ANGPTL4: variants seen among roughly 807,000 people sequenced by gnomAD.
ANGPTL4 encodes the protein angiopoietin-related protein 4.
In ANGPTL4, 39 loss-of-function variants were observed where a neutral mutation model predicts 39.2. The observed-to-expected ratio is 1.00, with a 90% CI of 0.77 to 1.30. ANGPTL4 has a LOEUF of 1.30. Among genes scored for constraint, ANGPTL4 ranks in the 50% most tolerant of loss-of-function variants. The probability of loss-of-function intolerance (pLI) is 0.00; values close to 1 mark genes in which losing one functional copy is unlikely to be tolerated. For synonymous variants in ANGPTL4, 233 were observed against 229.5 expected (o/e 1.02, Z -0.14); for missense variants, 545 against 549.8 (o/e 0.99, Z 0.09).
intron 6 of ANGPTL4, among the ~76,000 whole-genome samples, chr19:8,372,819 T>C (rs1971150513): frequency 6.6e-6 from 1 of 151,542 alleles, no homozygotes; most frequent in African/African-American, 2.4e-5. Flanking sequence ...AATGCAGGCA[T>C]GGTGGCTCAC....
intron 3 of ANGPTL4, among the ~76,000 whole-genome samples, chr19:8,368,733 C>T (rs1458946070): frequency 1.3e-5 from 2 of 152,214 alleles, no homozygotes; most frequent in African/African-American, 4.8e-5. Context: ...TGGCACATGC[C>T]TGTAGTCCCA....
chr19:8,364,683 C>T (rs1310187854), intron 1 of ANGPTL4, 44 bp downstream of exon 1: 4 of 1,554,950 alleles, frequency 2.6e-6, no homozygotes, highest in Admixed American at 1.9e-5. Context: ...TAGTGGCTCT[C>T]CTGGCTTGGA....
chr19:8,370,918 C>T, intron 4 of ANGPTL4, 138 bp from the exon 5 acceptor site: 1 of 938,854 alleles, frequency 1.1e-6, no homozygotes, highest in Non-Finnish European at 1.7e-6. Flanking sequence ...GACCCACCCT[C>T]CTCGAGTCCT....
At chr19:8,369,502 G>A (rs1485559939) in intron 4 of ANGPTL4, among the ~76,000 whole-genome samples, 170 bp downstream of exon 4, 1 of 145,044 alleles carries the variant, frequency 6.9e-6, no homozygotes, top group Non-Finnish European at 1.5e-5. Flanking sequence ...TCTTGGAGCT[G>A]GAGTGCAATG....
rs545392860 is a variant in ANGPTL4, at chr19:8,374,150, C to G, written c.*264C>G. 8.8e-5 allele frequency: 42 copies of G among 475,518 alleles called. No individual in the cohort carries two copies. The East Asian group carries it at 1.7e-3, about 19-fold the overall frequency. The allele number at this position is 475,518 out of a possible 1,614,324, so 29.5% of individuals were successfully genotyped here. On this transcript the variant is annotated 3_prime_UTR_variant, in exon 7 of 7. Transcript: ENST00000301455. ...GGCATGGAGCTTCACTCCTTGCTGGCCAGGGAGTTGGGGACTCAGAGGGAC... is the reference window on the plus strand; with the variant it reads ...GGCATGGAGCTTCACTCCTTGCTGGGCAGGGAGTTGGGGACTCAGAGGGAC...
chr19:8,369,223 G>T lies in ANGPTL4; in HGVS notation c.552G>T (p.Leu184=), dbSNP rs761691527. 9.3e-6 allele frequency: 15 copies of T among 1,610,154 alleles called. No individual in the cohort carries two copies. The highest frequency in any genetic ancestry group is 1.7e-5 in the Admixed American group (1 of 59,760). Residue 184 remains leucine (L), a synonymous_variant, in exon 4 of 7, where the codon CTG becomes CTT. Transcript: ENST00000301455. ...PAHNVSRLHR[L]PRDCQELFQV... ...CTCCACTTTATCTCCCTTCAGGGCT[G>T]CCCAGGGATTGCCAGGAGCTGTTCC...
At chr19:8,373,481 G>A (rs553023848) in intron 6 of ANGPTL4, among the ~76,000 whole-genome samples, 1 of 151,864 alleles carries the variant, frequency 6.6e-6, no homozygotes, top group East Asian at 1.9e-4. Flanking sequence ...TGAGGGAGGA[G>A]AATCACTTAA....
At chr19:8,369,600 C>G (rs560477827) in intron 4 of ANGPTL4, among the ~76,000 whole-genome samples, 1 of 151,900 alleles carries the variant, frequency 6.6e-6, no homozygotes, top group South Asian at 2.1e-4. Context: ...ACTACAGGTG[C>G]GAGCAACCAC....
intron 1 of ANGPTL4, among the ~76,000 whole-genome samples, chr19:8,365,240 G>GGGC (rs1446561083): frequency 1.3e-5 from 2 of 152,034 alleles, no homozygotes; most frequent in East Asian, 3.9e-4. Context: ...CACTTTGGGA[G>GGGC]GGCGAGGCCA....
Position 8,369,251 on chromosome 19 carries a change from G to C in ANGPTL4, c.580G>C (p.Val194Leu), listed in dbSNP as rs372986082. ...CAGGGATTGCCAGGAGCTGTTCCAGGTTGGGGAGAGGCAGAGTGGACTATT... is the reference window on the plus strand; with the variant it reads ...CAGGGATTGCCAGGAGCTGTTCCAGCTTGGGGAGAGGCAGAGTGGACTATT... Reference protein sequence around the residue: ...LPRDCQELFQVGERQSGLFEI... With the variant: ...LPRDCQELFQLGERQSGLFEI... The change falls in exon 4 of 7, where the codon GTT becomes CTT. Residue 194 changes from valine to leucine, a missense_variant. By Grantham distance (32) the Val-to-Leu change is conservative. Coordinates refer to ENST00000301455, the MANE Select transcript of ANGPTL4 (RefSeq NM_139314.3). 30 of 1,611,894 alleles carry C rather than the reference G, an allele frequency of 1.9e-5. No homozygotes were observed. The highest frequency in any genetic ancestry group is 2.7e-5 in the African/African-American group (2 of 74,874).
rs1432579456 is a variant in ANGPTL4 at position 8,371,526 on chromosome 19, A to G, written c.1039+4A>G. On this transcript the variant is annotated splice_donor_region_variant and intron_variant, in intron 6 of 6. Transcript: ENST00000301455. This position sits in a 1 kb window ranked among gnomAD's most constrained non-coding sequence, Gnocchi z 5.1. ...AACTGCGCCAAGAGCCTCTCTGGTG[A>G]GCAGGCCCTGCCATGCCACACCCAG... 1.9e-6 allele frequency: 3 copies of G among 1,612,556 alleles called. No individual in the cohort carries two copies. In the African/African-American group the frequency reaches 4.0e-5, roughly 22 times the overall value.
Position 8,370,735 on chromosome 19 carries a change from T to C in ANGPTL4, c.662-321T>C, listed in dbSNP as rs577198392. On this transcript the variant is annotated intron_variant, in intron 4 of 6. Coordinates refer to ENST00000301455, the MANE Select transcript of ANGPTL4 (RefSeq NM_139314.3). ...AAAAAAAAAAAAGAAAGCTTTTTTT[T>C]CCACTGAGAAGTCCTTTCCATTACA... Among the ~76,000 whole-genome samples, 8 of 151,742 alleles carry C rather than the reference T, an allele frequency of 5.3e-5. No individual in the cohort carries two copies. The East Asian group carries it at 1.2e-3, about 22-fold the overall frequency.
Position 8,364,414 on chromosome 19 carries a change from G to T in ANGPTL4, c.93G>T (p.Lys31Asn). The T allele has an allele frequency of 6.5e-7, 1 of 1,548,186 alleles. No individual in the cohort carries two copies. Among genetic ancestry groups the T allele is most frequent in the Middle Eastern group, 1.8e-4 (1 of 5,516 alleles). The change falls in exon 1 of 7, where the codon AAG becomes AAT. Residue 31 changes from lysine (K) to asparagine (N), a missense_variant. Lys to Asn is a moderately conservative substitution (Grantham distance 94). Coordinates refer to ENST00000301455, the MANE Select transcript of ANGPTL4 (RefSeq NM_139314.3). ...CTCAGGGCGGACCCGTGCAGTCCAA[G>T]TCGCCGCGCTTTGCGTCCTGGGACG... is the stretch of plus-strand genomic sequence containing the variant. ...LSAQGGPVQS[K>N]SPRFASWDEM...
At chr19:8,368,348 C>CT (rs1213172963) in intron 3 of ANGPTL4, among the ~76,000 whole-genome samples, 1 of 152,142 alleles carries the variant, frequency 6.6e-6, no homozygotes, top group Non-Finnish European at 1.5e-5. Flanking sequence ...TGCGCTGGGG[C>CT]CTGCGTGGAT....
chr19:8,365,372 G>A (rs2145469516), intron 1 of ANGPTL4, among the ~76,000 whole-genome samples: 1 of 151,824 alleles, frequency 6.6e-6, no homozygotes, highest in South Asian at 2.1e-4. Context: ...CAGCTACTGG[G>A]GAGGCTGAGG....
chr19:8,370,700 T>TAA (rs33922743), intron 4 of ANGPTL4, among the ~76,000 whole-genome samples: 12,245 of 98,602 alleles, frequency 0.12, 740 homozygotes, highest in Middle Eastern at 0.2. Context: ...ACTCCATCTC[T>TAA]AAAAAAAAAA....
intron 6 of ANGPTL4, among the ~76,000 whole-genome samples, chr19:8,373,034 C>T (rs961161359): frequency 1.1e-4 from 16 of 151,780 alleles, no homozygotes; most frequent in African/African-American, 3.1e-4. Context: ...TTTGGGAGGC[C>T]GAGGTGGGTG....
At chr19:8,364,668 G>A (rs1411136553) in intron 1 of ANGPTL4, 29 bp downstream of exon 1, 16 of 1,563,686 alleles carry the variant, frequency 1.0e-5, no homozygotes, top group Non-Finnish European at 1.4e-5. Context: ...GGTTCTCCGC[G>A]CCCCTAGTGG....
rs886273998 is a variant in ANGPTL4, at chr19:8,371,392, G to C, written c.909G>C (p.Gln303His). The change falls in exon 6 of 7, where the codon CAG becomes CAC. Residue 303 changes from glutamine to histidine, a missense_variant. Transcript: ENST00000301455. This position sits in a 1 kb window ranked among gnomAD's most constrained non-coding sequence, Gnocchi z 5.1. The stretch of plus-strand genomic sequence containing the variant: ...GCGAGGACACGGCCTATAGCCTGCA[G>C]CTCACTGCACCCGTGGCCGGCCAGC... The part of the protein sequence containing the change: ...LGGEDTAYSL[Q>H]LTAPVAGQLG... 6 of 1,613,566 alleles carry C rather than the reference G, an allele frequency of 3.7e-6. No individual in the cohort carries two copies. The highest frequency in any genetic ancestry group is 3.4e-6 in the Non-Finnish European group (4 of 1,180,016).
Sources: allele counts gnomAD v4.1 joint callset (sites outside exome capture counted in the v4.1 genomes callset), GRCh38; gene constraint gnomAD v4.1.1; non-coding constraint Gnocchi (gnomAD v3.1); transcripts MANE v1.5; gene names NCBI Gene and HGNC (gene_info 2026-07-23, HGNC 2026-07-21).